ADGRB3: variants seen among roughly 807,000 people sequenced by gnomAD.
ADGRB3 encodes the protein brain-specific angiogenesis inhibitor 3.
ADGRB3 carries 37 observed loss-of-function variants against 193.4 expected under a neutral mutation model. The observed-to-expected ratio is 0.19, with a 90% CI of 0.15 to 0.25. The LOEUF (loss-of-function observed/expected upper bound fraction) is 0.25, where lower values mean the gene tolerates loss of function less well. ADGRB3 is among the 10% of genes least tolerant of loss of function. The probability of loss-of-function intolerance (pLI) is 1.00; values close to 1 mark genes in which losing one functional copy is unlikely to be tolerated. For missense variants in ADGRB3, 1,637 were observed against 1,852.9 expected (o/e 0.88, Z 2.14); for synonymous variants, 690 against 644.2 (o/e 1.07, Z -1.08).
intron 10 of ADGRB3, among the ~76,000 whole-genome samples, chr6:68,983,863 A>G (rs1279720284): frequency 3.3e-5 from 5 of 152,200 alleles, no homozygotes; most frequent in Admixed American, 6.5e-5. Context: ...AGGTCTCTCT[A>G]TTTCTTCTTA....
chr6:68,875,845 T>TA (rs1054616760), intron 3 of ADGRB3, among the ~76,000 whole-genome samples: 3 of 152,088 alleles, frequency 2.0e-5, no homozygotes, highest in Non-Finnish European at 2.9e-5. Flanking sequence ...TTAAAAAACT[T>TA]ACATAGAATG....
intron 3 of ADGRB3, among the ~76,000 whole-genome samples, chr6:68,650,968 T>A (rs1464791997): frequency 6.6e-6 from 1 of 152,206 alleles, no homozygotes; most frequent in African/African-American, 2.4e-5. Flanking sequence ...GAAATACTTC[T>A]TATGTTTACT....
chr6:69,277,132 T>C (rs993970371), intron 20 of ADGRB3, among the ~76,000 whole-genome samples: 5 of 151,904 alleles, frequency 3.3e-5, no homozygotes, highest in Non-Finnish European at 7.4e-5. Context: ...GTAGCTGGGA[T>C]TACAGGCACG....
chr6:68,897,930 G>A (rs1282666792), intron 3 of ADGRB3, among the ~76,000 whole-genome samples: 1 of 146,486 alleles, frequency 6.8e-6, no homozygotes. Context: ...ATTCTCCAGA[G>A]AAACAGAAAC....
intron 20 of ADGRB3, among the ~76,000 whole-genome samples, chr6:69,292,126 C>T (rs1397230586): frequency 2.0e-5 from 3 of 152,192 alleles, no homozygotes. Flanking sequence ...TATTTCTTTA[C>T]ATCTTAATTT....
At chr6:68,672,693 G>T (rs1427484229) in intron 3 of ADGRB3, among the ~76,000 whole-genome samples, 1 of 152,054 alleles carries the variant, frequency 6.6e-6, no homozygotes, top group East Asian at 1.9e-4. Flanking sequence ...TATGTGTCAA[G>T]TTGGCTAGTA....
At chr6:69,000,672 A>C (rs1003640173) in intron 11 of ADGRB3, among the ~76,000 whole-genome samples, 1 of 152,234 alleles carries the variant, frequency 6.6e-6, no homozygotes, top group African/African-American at 2.4e-5. Flanking sequence ...GGGTTAAAAC[A>C]AAAAGGCAGA....
intron 3 of ADGRB3, among the ~76,000 whole-genome samples, chr6:68,720,024 C>T (rs1311296252): frequency 6.6e-6 from 1 of 151,618 alleles, no homozygotes; most frequent in Non-Finnish European, 1.5e-5. Flanking sequence ...GTTCCACTTG[C>T]GTTTACTGAA....
intron 26 of ADGRB3, among the ~76,000 whole-genome samples, chr6:69,347,404 C>T (rs994901740): frequency 1.3e-5 from 2 of 151,996 alleles, no homozygotes; most frequent in African/African-American, 2.4e-5. Context: ...TTGCTAAAAG[C>T]TTTATCCTTG....
intron 3 of ADGRB3, among the ~76,000 whole-genome samples, chr6:68,738,270 GGA>G (rs1413338342): frequency 6.6e-6 from 1 of 152,128 alleles, no homozygotes; most frequent in Admixed American, 6.6e-5. Flanking sequence ...TCAGTGGTGA[GGA>G]GAGAGAGAGC....
intron 3 of ADGRB3, among the ~76,000 whole-genome samples, chr6:68,913,689 C>T (rs568114262): frequency 9.9e-5 from 15 of 152,210 alleles, no homozygotes; most frequent in Admixed American, 3.3e-4. Context: ...CAAAGCTGGA[C>T]GGAAAATGAC....
At chr6:68,958,792 C>T (rs562085363) in intron 8 of ADGRB3, among the ~76,000 whole-genome samples, 7 of 151,120 alleles carry the variant, frequency 4.6e-5, no homozygotes, top group Admixed American at 2.6e-4. Flanking sequence ...ATATAGATAC[C>T]GTTTTCATAA....
At chr6:68,852,469 C>T (rs1424727875) in intron 3 of ADGRB3, among the ~76,000 whole-genome samples, 2 of 151,946 alleles carry the variant, frequency 1.3e-5, no homozygotes, top group Admixed American at 1.3e-4. Context: ...TTATTATACA[C>T]ACAATAACTT....
At chr6:69,188,816 C>T (rs576171593) in intron 17 of ADGRB3, among the ~76,000 whole-genome samples, 5 of 152,086 alleles carry the variant, frequency 3.3e-5, no homozygotes, top group African/African-American at 1.2e-4. Context: ...TGGAGAAATC[C>T]TTTGTCTCCA....
intron 3 of ADGRB3, among the ~76,000 whole-genome samples, chr6:68,714,793 A>G (rs1765463167): frequency 6.6e-6 from 1 of 151,828 alleles, no homozygotes. Context: ...AAAAATATAT[A>G]GACTTTGGAA....
chr6:69,007,674 C>G (rs1396734460), intron 11 of ADGRB3, among the ~76,000 whole-genome samples: 1 of 68,756 alleles, frequency 1.5e-5, no homozygotes, highest in Non-Finnish European at 3.4e-5. Context: ...TAATCTCTCT[C>G]TCTCTCTCTC....
intron 11 of ADGRB3, among the ~76,000 whole-genome samples, chr6:69,005,857 T>A (rs1036355214): frequency 6.6e-6 from 1 of 152,174 alleles, no homozygotes; most frequent in Admixed American, 6.5e-5. Flanking sequence ...TGACTCTAGA[T>A]CATATTCTTC....
chr6:69,349,945 G>T (rs535863906), intron 26 of ADGRB3, among the ~76,000 whole-genome samples: 2 of 152,274 alleles, frequency 1.3e-5, no homozygotes, highest in East Asian at 1.9e-4. Context: ...ATCGCTCGGT[G>T]CTCTTCCCTA....
At chr6:69,012,911 G>T (rs541795872) in intron 11 of ADGRB3, among the ~76,000 whole-genome samples, 1 of 152,170 alleles carries the variant, frequency 6.6e-6, no homozygotes, top group East Asian at 1.9e-4. Context: ...GCCCTCAAGG[G>T]AGTCCTGGTC....
Sources: allele counts gnomAD v4.1 joint callset (sites outside exome capture counted in the v4.1 genomes callset), GRCh38; gene constraint gnomAD v4.1.1; transcripts MANE v1.5; gene names NCBI Gene and HGNC (gene_info 2026-07-23, HGNC 2026-07-21).